Variants in CNNM3 observed in about 807,000 individuals in gnomAD.
CNNM3 encodes the protein metal transporter CNNM3.
In CNNM3, 47 loss-of-function variants were observed where a neutral mutation model predicts 57.1. The observed-to-expected ratio is 0.82, with a 90% CI of 0.65 to 1.05. The LOEUF (loss-of-function observed/expected upper bound fraction) is 1.05. Among genes scored for constraint, CNNM3 ranks in the 50% least tolerant of loss-of-function variants. CNNM3 has a pLI of 0.00. For missense variants in CNNM3, 957 were observed against 973.7 expected (o/e 0.98, Z 0.23); for synonymous variants, 507 against 478.2 (o/e 1.06, Z -0.79).
chr2:96,818,590 C>T (rs1194566086), intron 1 of CNNM3, among the ~76,000 whole-genome samples: 1 of 152,146 alleles, frequency 6.6e-6, no homozygotes. Context: ...CAAGTTCTCC[C>T]TTAACTCCAC....
chr2:96,823,831 ACCT>A (rs2079449067), intron 1 of CNNM3, among the ~76,000 whole-genome samples: 1 of 152,154 alleles, frequency 6.6e-6, no homozygotes, highest in Non-Finnish European at 1.5e-5. Context: ...CCTGTCCTGG[ACCT>A]GTGCCGCCCA....
At chr2:96,826,690 G>A in intron 2 of CNNM3, 143 bp from the exon 3 acceptor site, 1 of 929,228 alleles carries the variant, frequency 1.1e-6, no homozygotes, top group East Asian at 2.4e-5. Flanking sequence ...GCGGTGCTGA[G>A]GACATGTCCC....
intron 3 of CNNM3, 64 bp downstream of exon 3, chr2:96,827,046 C>T: frequency 1.3e-6 from 2 of 1,558,298 alleles, no homozygotes; most frequent in Non-Finnish European, 8.7e-7. Context: ...AGGAGGCCGC[C>T]CAGGGCCGAC....
intron 1 of CNNM3, among the ~76,000 whole-genome samples, chr2:96,818,488 T>G (rs2079359172): frequency 6.6e-6 from 1 of 151,780 alleles, no homozygotes; most frequent in South Asian, 2.1e-4. Context: ...TGACCTCAAG[T>G]GATCCTCCCA....
In CNNM3 at chr2:96,828,598, C is replaced by T; in HGVS notation, c.1818C>T (p.Pro606=). ...VHQSPVSSLQ[P]IRHDLQPDPG... is the part of the protein sequence containing the mutation. ...AGTCCCCGGTGTCCTCGCTCCAGCC[C>T]ATCCGCCATGACCTGCAGCCCGACC... Residue 606 remains proline (P), a synonymous_variant, in exon 6 of 8, where the codon CCC becomes CCT. Transcript: ENST00000305510. The T allele has an allele frequency of 6.2e-7, 1 of 1,614,194 alleles. No homozygotes were observed. The highest frequency in any genetic ancestry group is 8.5e-7 in the Non-Finnish European group (1 of 1,180,040).
chr2:96,823,835 GTGCCGCCCAGGCCGGCAGCCCCCTCC>G (rs2079449265), intron 1 of CNNM3, among the ~76,000 whole-genome samples: 1 of 152,188 alleles, frequency 6.6e-6, no homozygotes, highest in Non-Finnish European at 1.5e-5. Flanking sequence ...TCCTGGACCT[GTGCCGCCCAGGCCGGCAGCCCCCTCC>G]ACCTGGGGCT....
rs1381575370 is a variant in CNNM3 at position 96,828,554 on chromosome 2, GTTCC to G, written c.1787-10_1787-7del. On this transcript the variant is annotated splice_polypyrimidine_tract_variant and intron_variant, in intron 5 of 7. Coordinates refer to ENST00000305510, the MANE Select transcript of CNNM3 (RefSeq NM_017623.5). ...AGCATGGCTCCTGCCATCACTGATTGTTCCTTTGATAGTTCACCAGTCCCCGGTG... is the reference window on the plus strand; with the variant it reads ...AGCATGGCTCCTGCCATCACTGATTGTTTGATAGTTCACCAGTCCCCGGTG... 6.2e-7 allele frequency: 1 copy of G among 1,613,996 alleles called. No individual in the cohort carries two copies. The highest frequency in any genetic ancestry group is 1.7e-5 in the Admixed American group (1 of 59,998).
Position 96,816,598 on chromosome 2 carries a change from C to G in CNNM3, c.321C>G (p.Ala107=), listed in dbSNP as rs1214544596. ...WRALLRLRLR[A]EAVRPHSALL... is the part of the protein sequence containing the mutation. ...CGCTGCTGCGCTTGCGCCTGCGGGCCGAGGCCGTGCGCCCGCACTCGGCGC... is the reference window on the plus strand; with the variant it reads ...CGCTGCTGCGCTTGCGCCTGCGGGCGGAGGCCGTGCGCCCGCACTCGGCGC... The change falls in exon 1 of 8, where the codon GCC becomes GCG. Residue 107 remains alanine (A), a synonymous_variant. Transcript: ENST00000305510. 5 of 1,202,536 alleles carry G rather than the reference C, an allele frequency of 4.2e-6. No individual in the cohort carries two copies. The highest frequency in any genetic ancestry group is 4.1e-6 in the Non-Finnish European group (4 of 969,698). 74.5% of individuals were successfully genotyped at this position (1,202,536 alleles called of 1,614,324 possible).
chr2:96,823,144 G>T (rs760344155), intron 1 of CNNM3, among the ~76,000 whole-genome samples: 1 of 152,172 alleles, frequency 6.6e-6, no homozygotes, highest in Admixed American at 6.5e-5. Context: ...TGTTCCAGGG[G>T]ATCTTCCAGG....
intron 1 of CNNM3, among the ~76,000 whole-genome samples, chr2:96,820,605 G>T (rs75853489): frequency 0.025 from 3,763 of 152,282 alleles, 146 homozygotes; most frequent in African/African-American, 0.087. Context: ...TAAGGGAAGA[G>T]ACCACTTTCC....
intron 3 of CNNM3, 29 bp from the exon 4 acceptor site, chr2:96,827,702 A>G (rs374635848): frequency 2.9e-5 from 46 of 1,600,846 alleles, no homozygotes; most frequent in East Asian, 1.1e-4. Context: ...GCCCCAGTGG[A>G]CACTGTCCCT....
At chr2:96,827,608 C>T (rs891974228) in intron 3 of CNNM3, 123 bp from the exon 4 acceptor site, 2 of 976,790 alleles carry the variant, frequency 2.0e-6, no homozygotes, top group Non-Finnish European at 3.0e-6. Flanking sequence ...GGGGCAGCTG[C>T]TCACAGGCCA....
At chr2:96,831,948 T>G in intron 7 of CNNM3, 1 of 981,290 alleles carries the variant, frequency 1.0e-6, no homozygotes, top group Non-Finnish European at 1.2e-6. Context: ...CTCCTCTTCT[T>G]TCTCTCTCTG....
chr2:96,832,311 A>C (rs1207684038), intron 7 of CNNM3: 1 of 985,176 alleles, frequency 1.0e-6, no homozygotes, highest in African/African-American at 1.7e-5. Context: ...GTTCAGCATA[A>C]TGACCTGGGA....
chr2:96,835,567 C>G (rs950568220), downstream of CNNM3, among the ~76,000 whole-genome samples: 1 of 151,182 alleles, frequency 6.6e-6, no homozygotes, highest in Non-Finnish European at 1.5e-5. Flanking sequence ...CTCCCGGGTT[C>G]ATGCCATTCT....
chr2:96,825,500 C>T (rs1472289734), intron 2 of CNNM3, among the ~76,000 whole-genome samples: 2 of 152,224 alleles, frequency 1.3e-5, no homozygotes, highest in Non-Finnish European at 2.9e-5. Context: ...AGAGCTCTGC[C>T]CTTCATGGGC....
chr2:96,824,346 A>T (rs549763634), intron 1 of CNNM3, among the ~76,000 whole-genome samples: 58 of 152,322 alleles, frequency 3.8e-4, no homozygotes, highest in Admixed American at 8.5e-4. Flanking sequence ...TTGGCTCCCG[A>T]GTGGCCAGCT....
intron 2 of CNNM3, 97 bp from the exon 3 acceptor site, chr2:96,826,736 G>GTT: frequency 7.0e-7 from 1 of 1,432,170 alleles, no homozygotes; most frequent in South Asian, 1.2e-5. Flanking sequence ...GGACCCCCTG[G>GTT]CCTCAGGAGG....
At chr2:96,830,979 G>A (rs1031266653) in intron 7 of CNNM3, among the ~76,000 whole-genome samples, 9 of 152,208 alleles carry the variant, frequency 5.9e-5, no homozygotes, top group Non-Finnish European at 7.3e-5. Flanking sequence ...CCACATGTGA[G>A]CCTTTTTCTG....
Sources: allele counts gnomAD v4.1 joint callset (sites outside exome capture counted in the v4.1 genomes callset), GRCh38; gene constraint gnomAD v4.1.1; transcripts MANE v1.5; gene names NCBI Gene and HGNC (gene_info 2026-07-23, HGNC 2026-07-21).